The following CPSF3 variants were observed in gnomAD, a reference collection of about 807,000 sequenced individuals.
The protein encoded by CPSF3 is cleavage and polyadenylation specific factor 3.
Under a neutral mutation model 84.1 loss-of-function variants are expected in CPSF3, and 57 were observed. The ratio of observed to expected loss-of-function variants is 0.68; its 90% confidence interval spans 0.55 to 0.85. The LOEUF (loss-of-function observed/expected upper bound fraction) is 0.85. Ranked by LOEUF, CPSF3 falls within the 40% of genes least tolerant of loss-of-function variation. The pLI, the probability that CPSF3 is intolerant of heterozygous loss-of-function variation, is 0.00. For synonymous variants in CPSF3, 275 were observed against 278.1 expected (o/e 0.99, Z 0.11); for missense variants, 522 against 838.8 (o/e 0.62, Z 4.66).
rs1681555080 is a variant in CPSF3, at chr2:9,457,020, T to G, written c.1691T>G (p.Val564Gly). 1 of 1,573,898 alleles carries G rather than the reference T, an allele frequency of 6.4e-7. No individual in the cohort carries two copies. Among genetic ancestry groups the G allele is most frequent in the Non-Finnish European group, 8.7e-7 (1 of 1,153,470 alleles). Residue 564 changes from valine (V) to glycine (G), a missense_variant, in exon 14 of 18, where the codon GTA becomes GGA. Val to Gly is a moderately radical substitution (Grantham distance 109). Transcript: ENST00000238112. ...GTAATACAAGAACCAGGCATGGTGGTATTAGAAGTAAGAAAAGATCATTTA... is the reference window on the plus strand; with the variant it reads ...GTAATACAAGAACCAGGCATGGTGGGATTAGAAGTAAGAAAAGATCATTTA... ...ITVIQEPGMV[V>G]LEWLANPSND...
At chr2:9,462,799 G>A (rs1681775754) in intron 15 of CPSF3, among the ~76,000 whole-genome samples, 1 of 152,008 alleles carries the variant, frequency 6.6e-6, no homozygotes, top group Admixed American at 6.6e-5. Flanking sequence ...CCTTCCTTTG[G>A]TTAGCCTGTG....
intron 8 of CPSF3, 53 bp from the exon 9 acceptor site, chr2:9,441,764 CT>C: frequency 6.4e-7 from 1 of 1,552,224 alleles, no homozygotes; most frequent in Non-Finnish European, 8.8e-7. Flanking sequence ...AGAAAGAATG[CT>C]TTGTCAGCTG....
At position 9,472,994 on chromosome 2, in the gene CPSF3, G is replaced by C. The variant is rs775413626; in HGVS notation, c.2032G>C (p.Glu678Gln). ...MVELAAQRLY[E>Q]ALTPVH ...GGAGCTGGCTGCACAGAGACTGTAC[G>C]AGGCCCTGACGCCAGTTCACTGAGA... Residue 678 changes from glutamate to glutamine, a missense_variant, in exon 18 of 18, where the codon GAG (glutamate) becomes CAG (glutamine). This residue lies in a region of CPSF3 where 193 missense variants were observed against 231.6 expected (regional missense o/e 0.83). Coordinates refer to ENST00000238112, the MANE Select transcript of CPSF3 (RefSeq NM_016207.4). 2 of 1,613,434 alleles carry C rather than the reference G, an allele frequency of 1.2e-6. No individual in the cohort carries two copies. The highest frequency in any genetic ancestry group is 1.3e-5 in the African/African-American group (1 of 74,784).
At chr2:9,470,780 TA>T (rs1306994304) in intron 16 of CPSF3, among the ~76,000 whole-genome samples, 1 of 152,218 alleles carries the variant, frequency 6.6e-6, no homozygotes, top group Non-Finnish European at 1.5e-5. Flanking sequence ...GGATCCTTAC[TA>T]AAATTATAGG....
chr2:9,428,936 G>T, intron 2 of CPSF3, 108 bp downstream of exon 2: 1 of 682,806 alleles, frequency 1.5e-6, no homozygotes, highest in South Asian at 1.8e-5. Flanking sequence ...AAATGTTATA[G>T]TACATGTAAT....
intron 1 of CPSF3, among the ~76,000 whole-genome samples, chr2:9,428,415 GTAACTGCTAGTTTACATT>G: frequency 6.6e-6 from 1 of 152,076 alleles, no homozygotes. Context: ...TATAATCTGC[GTAACTGCTAGTTTACATT>G]TTAAATACAT....
chr2:9,459,638 C>CTTTTTTTTTTTTTTTTTTT lies in CPSF3; in HGVS notation c.1786+30_1786+48dup, dbSNP rs543727439. The CTTTTTTTTTTTTTTTTTTT allele has an allele frequency of 1.1e-5, 3 of 278,996 alleles. 1 individual carries two copies. In the African/African-American group the frequency reaches 1.3e-4, roughly 12 times the overall value. The allele number at this position is 278,996 out of a possible 1,614,324, so 17.3% of individuals were successfully genotyped here. ...GAAAAGGTAAGAGTTCATTTTTATC[C>CTTTTTTTTTTTTTTTTTTT]TTTTTTTTTTTTTTTTTTTTTTTTT... On this transcript the variant is annotated intron_variant, in intron 15 of 17. Transcript: ENST00000238112.
rs869193869 is a variant in CPSF3 at position 9,444,158 on chromosome 2, AT to A, written c.1242+511del. 3.9e-3 allele frequency among the ~76,000 whole-genome samples: 486 copies of A among 123,160 alleles called. 1 individual carries two copies. The highest frequency in any genetic ancestry group is 0.011 in the African/African-American group (303 of 26,424). The allele number at this position is 123,160 out of a possible 152,430, so 80.8% of individuals were successfully genotyped here. ...ATATATATTATATATATATATATAT[AT>A]TTTTTTTTTTTTTGAGGCGGAGTCT... On this transcript the variant is annotated intron_variant, in intron 10 of 17. Coordinates refer to ENST00000238112, the MANE Select transcript of CPSF3 (RefSeq NM_016207.4).
chr2:9,451,180 G>A (rs1377088723), intron 11 of CPSF3, among the ~76,000 whole-genome samples: 1 of 152,106 alleles, frequency 6.6e-6, no homozygotes, highest in Non-Finnish European at 1.5e-5. Context: ...TAATTTTAAT[G>A]ATTTAAAATC....
intron 15 of CPSF3, among the ~76,000 whole-genome samples, chr2:9,467,008 C>A (rs939114263): frequency 6.6e-6 from 1 of 152,130 alleles, no homozygotes; most frequent in Non-Finnish European, 1.5e-5. Context: ...GTTTTCATTT[C>A]TCTTGGATCT....
At chr2:9,454,746 G>C (rs942197685) in intron 12 of CPSF3, among the ~76,000 whole-genome samples, 2 of 151,670 alleles carry the variant, frequency 1.3e-5, no homozygotes, top group East Asian at 2.0e-4. Flanking sequence ...GGGTTTCACC[G>C]TGTTAGCCAG....
chr2:9,431,776 C>T (rs1418545609), intron 4 of CPSF3, among the ~76,000 whole-genome samples: 4 of 151,952 alleles, frequency 2.6e-5, no homozygotes, highest in African/African-American at 9.7e-5. Context: ...GTCTTGAACT[C>T]CTGACCTCAG....
chr2:9,439,725 A>C (rs1436731773), intron 7 of CPSF3, among the ~76,000 whole-genome samples: 1 of 152,146 alleles, frequency 6.6e-6, no homozygotes, highest in Non-Finnish European at 1.5e-5. Flanking sequence ...GTGGTGACTC[A>C]TGCCTGTAAT....
At chr2:9,435,935 G>T (rs1680762498) in intron 6 of CPSF3, among the ~76,000 whole-genome samples, 1 of 151,476 alleles carries the variant, frequency 6.6e-6, no homozygotes, top group Non-Finnish European at 1.5e-5. Flanking sequence ...GTTTCACCAT[G>T]TTGGCCAGGC....
rs1331968918 is a variant in CPSF3 at position 9,455,688 on chromosome 2, A to T, written c.1534A>T (p.Lys512Ter). 2 of 1,614,046 alleles carry T rather than the reference A, an allele frequency of 1.2e-6. No individual in the cohort carries two copies. The highest frequency in any genetic ancestry group is 2.2e-5 in the East Asian group (1 of 44,888). ...TACTGACCTGGCCATGAGCACGGTG[A>T]AGCAGACCCAAGCCATTCCATATAC... ...NYTDLAMSTV[K>*]QTQAIPYTGP... is the part of the protein sequence containing the mutation. Residue 512 changes from lysine (K) to a stop codon, truncating the protein, a stop_gained, in exon 13 of 18, where the codon AAG (lysine) becomes TAG (stop). Coordinates refer to ENST00000238112, the MANE Select transcript of CPSF3 (RefSeq NM_016207.4). LOFTEE classifies it high-confidence loss of function.
At chr2:9,472,092 T>A (rs888648890) in intron 17 of CPSF3, among the ~76,000 whole-genome samples, 1 of 149,104 alleles carries the variant, frequency 6.7e-6, no homozygotes, top group Non-Finnish European at 1.5e-5. Flanking sequence ...GGTGGGTGGA[T>A]CATCTGAGGT....
Position 9,443,540 on chromosome 2 carries a change from T to G in CPSF3, c.1121T>G (p.Ile374Ser), listed in dbSNP as rs1476461539. 6.2e-7 allele frequency: 1 copy of G among 1,613,822 alleles called. No individual in the cohort carries two copies. The highest frequency in any genetic ancestry group is 8.5e-7 in the Non-Finnish European group (1 of 1,179,780). ...AKHIMSEPEE[I>S]TTMSGQKLPL... is the part of the protein sequence containing the mutation. Reference sequence around the variant, plus strand: ...CACATCATGTCTGAACCTGAAGAAATCACTACTATGTCTGGACAGAAGTTA... The same window carrying G: ...CACATCATGTCTGAACCTGAAGAAAGCACTACTATGTCTGGACAGAAGTTA... Residue 374 changes from isoleucine (I) to serine (S), a missense_variant, in exon 10 of 18, where the codon ATC becomes AGC. Ile to Ser is a moderately radical substitution (Grantham distance 142). Around this residue, in one of 2 missense-constraint regions of CPSF3, gnomAD observed 329 missense variants for 607.2 expected, o/e 0.54. Coordinates refer to ENST00000238112, the MANE Select transcript of CPSF3 (RefSeq NM_016207.4).
chr2:9,443,775 C>T (rs954035383), intron 10 of CPSF3, 114 bp downstream of exon 10: 2 of 1,104,990 alleles, frequency 1.8e-6, no homozygotes, highest in Non-Finnish European at 2.6e-6. Flanking sequence ...GCGACACCCC[C>T]TGAGCAGAGC....
intron 8 of CPSF3, 112 bp downstream of exon 8, chr2:9,440,778 G>C: frequency 1.9e-6 from 2 of 1,036,036 alleles, no homozygotes; most frequent in Admixed American, 4.2e-5. Flanking sequence ...CACTTTGGGA[G>C]TCTAAGGCAG....
Sources: allele counts gnomAD v4.1 joint callset (sites outside exome capture counted in the v4.1 genomes callset), GRCh38; gene constraint gnomAD v4.1.1; regional missense constraint gnomAD v4.1.1; transcripts MANE v1.5; gene names NCBI Gene and HGNC (gene_info 2026-07-23, HGNC 2026-07-21).